Variants in RXFP2 observed in about 807,000 individuals in gnomAD.
The protein encoded by RXFP2 is relaxin family peptide receptor 2.
A neutral mutation model predicts 88.6 loss-of-function variants in RXFP2; 68 were observed. The ratio of observed to expected loss-of-function variants is 0.77; its 90% CI spans 0.63 to 0.94. RXFP2 has a LOEUF of 0.94. Ranked by LOEUF, RXFP2 falls within the 40% of genes least tolerant of loss-of-function variation. RXFP2 has a pLI of 0.00. For missense variants in RXFP2, 791 were observed against 893.9 expected, an observed-to-expected ratio of 0.88 and a Z score of 1.47; for synonymous variants, 329 against 306.8, an observed-to-expected ratio of 1.07 and a Z score of -0.76.
At chr13:31,741,945 C>A (rs1267269894) in intron 1 of RXFP2, among the ~76,000 whole-genome samples, 2 of 151,594 alleles carry the variant, frequency 1.3e-5, no homozygotes, top group Non-Finnish European at 2.9e-5. Context: ...GAAATATGTC[C>A]ATAAAATTCA....
At chr13:31,760,393 T>C (rs1311205279) in intron 2 of RXFP2, among the ~76,000 whole-genome samples, 1 of 152,094 alleles carries the variant, frequency 6.6e-6, no homozygotes. Flanking sequence ...GCTTGGCCCT[T>C]ATCATTGTAT....
chr13:31,742,636 G>T (rs1038982793), intron 1 of RXFP2, among the ~76,000 whole-genome samples: 1 of 152,110 alleles, frequency 6.6e-6, no homozygotes, highest in African/African-American at 2.4e-5. Flanking sequence ...GAATAAATAT[G>T]ACCAGATGTA....
intron 1 of RXFP2, among the ~76,000 whole-genome samples, chr13:31,743,875 A>G (rs1027598912): frequency 6.6e-5 from 10 of 151,618 alleles, no homozygotes; most frequent in African/African-American, 2.4e-4. Context: ...TGTCCTGGCT[A>G]CATCCCATTC....
intron 3 of RXFP2, among the ~76,000 whole-genome samples, chr13:31,762,522 C>G (rs1251164086): frequency 6.6e-6 from 1 of 152,138 alleles, no homozygotes; most frequent in Non-Finnish European, 1.5e-5. Context: ...TGGTGTACAC[C>G]TTGAAGTGTG....
At position 31,801,475 on chromosome 13, in the gene RXFP2, A is replaced by C. The variant is rs143225799; in HGVS notation, c.2006-671A>C. Among the ~76,000 whole-genome samples the C allele has an allele frequency of 2.8e-3, 431 of 152,218 alleles. 2 individuals carry two copies. Among genetic ancestry groups the C allele is most frequent in the African/African-American group, 9.7e-3 (403 of 41,534 alleles). ...GGCCACAGGATCAGGCCACGTGTAA[A>C]GGGAAAGATGCATTTTGTGCTAACC... On this transcript the variant is annotated intron_variant, in intron 17 of 17. Coordinates refer to ENST00000298386, the MANE Select transcript of RXFP2 (RefSeq NM_130806.5).
chr13:31,782,034 G>A (rs981326180), intron 10 of RXFP2, among the ~76,000 whole-genome samples: 3 of 151,916 alleles, frequency 2.0e-5, no homozygotes, highest in Non-Finnish European at 2.9e-5. Context: ...ACCAAGGAAG[G>A]GAAATAATGT....
At chr13:31,750,829 G>T (rs1284803827) in intron 1 of RXFP2, among the ~76,000 whole-genome samples, 1 of 152,180 alleles carries the variant, frequency 6.6e-6, no homozygotes, top group Non-Finnish European at 1.5e-5. Flanking sequence ...GAATGAAAGT[G>T]TGGTAAAGAA....
chr13:31,774,064 A>G (rs111854167), intron 5 of RXFP2, among the ~76,000 whole-genome samples: 1,607 of 152,328 alleles, frequency 0.011, 10 homozygotes, highest in Middle Eastern at 0.031. Flanking sequence ...TCCTGATCCT[A>G]TGACTTGAAA....
In RXFP2 at chr13:31,739,642, C is replaced by T; in HGVS notation, c.30C>T (p.Leu10=). MIVFLVFKH[L]FSLRLITMFF... is the part of the protein sequence containing the mutation. ...TTGTTTTTCTGGTTTTTAAACATCT[C>T]TTCAGCCTCAGATTGATTACAATGT... is the stretch of plus-strand genomic sequence containing the variant. The change falls in exon 1 of 18, where the codon CTC becomes CTT. Residue 10 remains leucine (L), a synonymous_variant. Coordinates refer to ENST00000298386, the MANE Select transcript of RXFP2 (RefSeq NM_130806.5). The T allele has an allele frequency of 1.2e-6, 2 of 1,607,854 alleles. No homozygotes were observed. The highest frequency in any genetic ancestry group is 1.1e-5 in the South Asian group (1 of 90,938).
rs1037844843 is a variant in RXFP2, at chr13:31,782,616, T to C, written c.858-60T>C. 18 of 1,252,838 alleles carry C rather than the reference T, an allele frequency of 1.4e-5. No individual in the cohort carries two copies. In the East Asian group the frequency reaches 2.8e-4, roughly 19 times the overall value. The allele number at this position is 1,252,838 out of a possible 1,614,324, so 77.6% of individuals were successfully genotyped here. ...TGCCTGGATCAGTGGCCTCTCCCAA[T>C]GAGAACTGATTACTACAGCAGACGC... On this transcript the variant is annotated intron_variant, in intron 10 of 17. Coordinates refer to ENST00000298386, the MANE Select transcript of RXFP2 (RefSeq NM_130806.5).
chr13:31,795,144 G>C (rs116028020), intron 16 of RXFP2, among the ~76,000 whole-genome samples: 3,139 of 151,528 alleles, frequency 0.021, 106 homozygotes, highest in African/African-American at 0.073. Context: ...CGTGCATTTA[G>C]AGCATACACT....
chr13:31,764,910 A>G (rs577586162), intron 3 of RXFP2, 127 bp from the exon 4 acceptor site: 11 of 655,972 alleles, frequency 1.7e-5, no homozygotes, highest in African/African-American at 1.4e-4. Flanking sequence ...TAGGGGCTGA[A>G]TGAGTTCATT....
At chr13:31,783,206 C>G (rs9549082) in intron 11 of RXFP2, among the ~76,000 whole-genome samples, 91,618 of 152,020 alleles carry the variant, frequency 0.6, 27,776 homozygotes, top group East Asian at 0.77. Context: ...GAAGCAAATC[C>G]CAATGCTGAG....
chr13:31,796,904 G>A (rs1389423305), intron 16 of RXFP2, among the ~76,000 whole-genome samples: 1 of 152,196 alleles, frequency 6.6e-6, no homozygotes, highest in Non-Finnish European at 1.5e-5. Flanking sequence ...AGCTTTTGCT[G>A]TCTGATGGTT....
intron 10 of RXFP2, among the ~76,000 whole-genome samples, chr13:31,782,074 A>T (rs1873309728): frequency 6.6e-6 from 1 of 152,132 alleles, no homozygotes; most frequent in Non-Finnish European, 1.5e-5. Context: ...TACAATGATT[A>T]GCTTTACAAT....
chr13:31,791,848 C>T lies in RXFP2; in HGVS notation c.1188C>T (p.Val396=). The T allele has an allele frequency of 1.2e-6, 2 of 1,614,126 alleles. No individual in the cohort carries two copies. The highest frequency in any genetic ancestry group is 1.1e-5 in the South Asian group (1 of 91,076). Residue 396 remains valine, a synonymous_variant, in exon 15 of 18, where the codon GTC becomes GTT. Transcript: ENST00000298386. The stretch of plus-strand genomic sequence containing the variant: ...GATACTGCTCCTATGCTCCCCATGT[C>T]CGAATATGTATGCCCTTGACGGACG... ...NFRYCSYAPH[V]RICMPLTDGI...
intron 5 of RXFP2, among the ~76,000 whole-genome samples, chr13:31,766,852 G>A (rs990062991): frequency 5.9e-5 from 9 of 152,154 alleles, no homozygotes; most frequent in Non-Finnish European, 8.8e-5. Context: ...TCAGGTTCGT[G>A]TATCAGTCAT....
At chr13:31,766,589 G>A (rs185536794) in intron 5 of RXFP2, among the ~76,000 whole-genome samples, 6 of 152,170 alleles carry the variant, frequency 3.9e-5, no homozygotes, top group East Asian at 1.9e-4. Flanking sequence ...AAAGAAAACC[G>A]GGAACTGGGA....
chr13:31,760,660 T>C (rs899520255), intron 2 of RXFP2, among the ~76,000 whole-genome samples: 5 of 152,342 alleles, frequency 3.3e-5, no homozygotes, highest in African/African-American at 7.2e-5. Flanking sequence ...AGTAGCATCA[T>C]TGAGAGTATT....
Sources: gnomAD v4.1 joint callset for allele counts (sites outside exome capture counted in the v4.1 genomes callset) on GRCh38, gnomAD v4.1.1 for gene constraint, MANE v1.5 for transcripts, NCBI Gene and HGNC (gene_info 2026-07-23, HGNC 2026-07-21) for gene names.